XRCC2: variants seen among roughly 807,000 people sequenced by gnomAD.
XRCC2 encodes X-ray repair cross complementing 2.
In XRCC2, 24 loss-of-function variants were observed where a neutral mutation model predicts 27.3. That is an observed-to-expected ratio of 0.88 (90% CI 0.64 to 1.24). The LOEUF is 1.24. XRCC2 is among the 50% of genes most tolerant of loss of function. The pLI is 0.00. For synonymous variants in XRCC2, 106 were observed against 115.4 expected (o/e 0.92, Z 0.52); for missense variants, 321 against 325.8 (o/e 0.99, Z 0.11).
chr7:152,666,593 T>C (rs1029112844), intron 1 of XRCC2, among the ~76,000 whole-genome samples: 2 of 150,634 alleles, frequency 1.3e-5, no homozygotes, highest in Non-Finnish European at 3.0e-5. Context: ...TGAAAGAGTA[T>C]AACTCAAAGA....
intron 1 of XRCC2, among the ~76,000 whole-genome samples, chr7:152,665,808 T>C (rs144026439): frequency 1.3e-5 from 2 of 152,256 alleles, no homozygotes; most frequent in East Asian, 3.9e-4. Flanking sequence ...ATATCCCACA[T>C]TGTAGTTAGC....
chr7:152,649,142 A>G lies in XRCC2; in HGVS notation c.343T>C (p.Phe115Leu). Residue 115 changes from phenylalanine to leucine, a missense_variant, in exon 3 of 3, where the codon TTT (phenylalanine) becomes CTT (leucine). Coordinates refer to ENST00000359321, the MANE Select transcript of XRCC2 (RefSeq NM_005431.2). ...CTACTACTGCAGTACACCAAAAAAAATCTTCCCAGGCAGTATTTGATTATT... is the reference window on the plus strand; with the variant it reads ...CTACTACTGCAGTACACCAAAAAAAGTCTTCCCAGGCAGTATTTGATTATT... ...EEIIKYCLGR[F>L]FLVYCSSSTH... 2 of 1,613,714 alleles carry G rather than the reference A, an allele frequency of 1.2e-6. No individual in the cohort carries two copies. Among genetic ancestry groups the G allele is most frequent in the Non-Finnish European group, 1.7e-6 (2 of 1,179,886 alleles).
chr7:152,655,036 A>G (rs2098030144), intron 2 of XRCC2, among the ~76,000 whole-genome samples: 1 of 152,188 alleles, frequency 6.6e-6, no homozygotes, highest in South Asian at 2.1e-4. Flanking sequence ...ACCGTCTCAT[A>G]TGTTTCTGTG....
chr7:152,656,460 G>A (rs1007683425), intron 2 of XRCC2, among the ~76,000 whole-genome samples: 2 of 152,102 alleles, frequency 1.3e-5, no homozygotes, highest in Non-Finnish European at 2.9e-5. Flanking sequence ...TTCAACTTAA[G>A]CTTTTCTGTA....
intron 2 of XRCC2, among the ~76,000 whole-genome samples, chr7:152,659,544 C>T (rs1455612992): frequency 6.6e-6 from 1 of 151,206 alleles, no homozygotes; most frequent in Non-Finnish European, 1.5e-5. Flanking sequence ...TAAGCCTGTG[C>T]AAAGATACCC....
intron 1 of XRCC2, among the ~76,000 whole-genome samples, chr7:152,662,824 C>T (rs954972356): frequency 2.0e-5 from 3 of 151,904 alleles, no homozygotes; most frequent in Non-Finnish European, 2.9e-5. Context: ...CCGCCCGCCT[C>T]GGCCTCCCAA....
chr7:152,663,284 C>T (rs1183147997), intron 1 of XRCC2, among the ~76,000 whole-genome samples: 2 of 138,392 alleles, frequency 1.4e-5, no homozygotes, highest in Non-Finnish European at 1.5e-5. Flanking sequence ...TAGCACACAT[C>T]GCCAAGCACT....
At chr7:152,673,256 C>T (rs2117011027) in intron 1 of XRCC2, among the ~76,000 whole-genome samples, 1 of 152,192 alleles carries the variant, frequency 6.6e-6, no homozygotes, top group South Asian at 2.1e-4. Context: ...GATGTCGGCT[C>T]ACTGAAACCC....
In XRCC2 at chr7:152,648,708, A is replaced by G. The variant is rs138334932; in HGVS notation, c.777T>C (p.Cys259=). 3.7e-6 allele frequency: 6 copies of G among 1,609,856 alleles called. No individual in the cohort carries two copies. The highest frequency in any genetic ancestry group is 5.1e-6 in the Non-Finnish European group (6 of 1,179,104). The part of the protein sequence containing the change: ...SSNQFSLVSR[C]LKSNSLKKHF... ...GTTTTTTTAAACTGTTACTTTTTAA[A>G]CAACGTGAAACTAATGAAAATTGGT... Residue 259 remains cysteine (C), a synonymous_variant, in exon 3 of 3, where the codon TGT becomes TGC. Coordinates refer to ENST00000359321, the MANE Select transcript of XRCC2 (RefSeq NM_005431.2).
chr7:152,663,501 C>T (rs781416347), intron 1 of XRCC2, among the ~76,000 whole-genome samples: 1 of 152,102 alleles, frequency 6.6e-6, no homozygotes, highest in African/African-American at 2.4e-5. Context: ...TTGTCCTTGG[C>T]TCCTGAGAGG....
chr7:152,650,672 C>T (rs2098028138), intron 2 of XRCC2, among the ~76,000 whole-genome samples: 1 of 152,116 alleles, frequency 6.6e-6, no homozygotes, highest in African/African-American at 2.4e-5. Flanking sequence ...GGGAGGATCA[C>T]CTGAGGTCAG....
intron 1 of XRCC2, among the ~76,000 whole-genome samples, chr7:152,674,554 G>A (rs2098039491): frequency 6.6e-6 from 1 of 151,186 alleles, no homozygotes; most frequent in African/African-American, 2.4e-5. Context: ...GGAAGTTGCA[G>A]TGAGCTGAGA....
chr7:152,661,489 T>C (rs1289239396), intron 1 of XRCC2, among the ~76,000 whole-genome samples: 1 of 152,202 alleles, frequency 6.6e-6, no homozygotes, highest in African/African-American at 2.4e-5. Context: ...GAGAACTTCC[T>C]TGAGGAGCCA....
intron 2 of XRCC2, among the ~76,000 whole-genome samples, chr7:152,654,812 A>G (rs2098030068): frequency 1.3e-5 from 2 of 152,254 alleles, no homozygotes; most frequent in Admixed American, 6.5e-5. Flanking sequence ...AAAGGCTTTT[A>G]TAACAACCGG....
intron 1 of XRCC2, among the ~76,000 whole-genome samples, chr7:152,675,737 A>AG (rs2098040717): frequency 6.6e-6 from 1 of 152,124 alleles, no homozygotes; most frequent in Non-Finnish European, 1.5e-5. Context: ...AACTCTTGGG[A>AG]GGAGAGACCT....
intron 2 of XRCC2, among the ~76,000 whole-genome samples, chr7:152,657,397 C>T (rs3218486): frequency 0.06 from 9,089 of 151,584 alleles, 563 homozygotes; most frequent in Admixed American, 0.19. Flanking sequence ...CCTCCCAGGT[C>T]CAAGCAATTC....
intron 2 of XRCC2, among the ~76,000 whole-genome samples, chr7:152,650,831 A>C (rs1317795892): frequency 1.3e-5 from 2 of 152,214 alleles, no homozygotes; most frequent in African/African-American, 4.8e-5. Context: ...GGTTGCAGTG[A>C]GCTGAGATCA....
chr7:152,675,711 G>A (rs1230026324), intron 1 of XRCC2, among the ~76,000 whole-genome samples: 1 of 152,198 alleles, frequency 6.6e-6, no homozygotes, highest in Admixed American at 6.5e-5. Context: ...TAATTTGTGA[G>A]GGGTTTTTAG....
chr7:152,663,346 T>TAAAAAAAAAAAAAAAAAAAAAA lies in XRCC2; in HGVS notation c.40-2586_40-2565dup, dbSNP rs530664762. Among the ~76,000 whole-genome samples the TAAAAAAAAAAAAAAAAAAAAAA allele has an allele frequency of 8.5e-4, 69 of 80,892 alleles. 7 individuals carry two copies. The highest frequency in any genetic ancestry group is 1.5e-3 in the Non-Finnish European group (59 of 40,462). 53.1% of individuals were successfully genotyped at this position (80,892 alleles called of 152,430 possible). A position where few individuals can be genotyped will look rare whatever the true frequency, so the allele number is the denominator to read the frequency against. On this transcript the variant is annotated intron_variant, in intron 1 of 2. Coordinates refer to ENST00000359321, the MANE Select transcript of XRCC2 (RefSeq NM_005431.2). Reference sequence around the variant, plus strand: ...GCTTTACGTAAGAATGTCTTTGAAGTAAAAAAAAAAAAAAAAAAAAAAAAA... The same window carrying TAAAAAAAAAAAAAAAAAAAAAA: ...GCTTTACGTAAGAATGTCTTTGAAGTAAAAAAAAAAAAAAAAAAAAAAAAAAAAAAAAAAAAAAAAAAAAAAA...
Sources: allele counts gnomAD v4.1 joint callset (sites outside exome capture counted in the v4.1 genomes callset), GRCh38; gene constraint gnomAD v4.1.1; transcripts MANE v1.5; gene names NCBI Gene and HGNC (gene_info 2026-07-23, HGNC 2026-07-21).